The following RCOR1 variants were observed in gnomAD, a reference collection of about 807,000 sequenced individuals.
RCOR1 encodes REST corepressor.
A neutral mutation model predicts 64.0 loss-of-function variants in RCOR1; 12 were observed. The observed-to-expected ratio is 0.19, with a 90% CI of 0.12 to 0.30. The LOEUF is 0.30. Among genes scored for constraint, RCOR1 ranks in the 10% least tolerant of loss-of-function variants. RCOR1 has a pLI of 1.00. For synonymous variants in RCOR1, 279 were observed against 227.2 expected, an observed-to-expected ratio of 1.23 and a Z score of -2.05; for missense variants, 502 against 621.2, an observed-to-expected ratio of 0.81 and a Z score of 2.04.
At chr14:102,669,128 G>GGA (rs1393399126) in intron 2 of RCOR1, among the ~76,000 whole-genome samples, 1 of 152,104 alleles carries the variant, frequency 6.6e-6, no homozygotes, top group Admixed American at 6.6e-5. Flanking sequence ...TGACCAACAT[G>GGA]GAGAAACCCT....
At chr14:102,669,954 A>T (rs1894999054) in intron 2 of RCOR1, among the ~76,000 whole-genome samples, 1 of 152,080 alleles carries the variant, frequency 6.6e-6, no homozygotes, top group African/African-American at 2.4e-5. Flanking sequence ...TAAGAATAAG[A>T]ATTATAAGAA....
rs764133402 is a variant in RCOR1 at position 102,726,453 on chromosome 14, T to TC, written c.1420-13dup. On this transcript the variant is annotated splice_polypyrimidine_tract_variant and intron_variant, in intron 11 of 11. Coordinates refer to ENST00000262241, the MANE Select transcript of RCOR1 (RefSeq NM_015156.4). ...TCTTTGATCCTTTTTTTTTTTTTTT[T>TC]CCTCTTGGCCTCAGGCTCCTGTTCT... 6.4e-7 allele frequency: 1 copy of TC among 1,571,518 alleles called. No individual in the cohort carries two copies. Among genetic ancestry groups the TC allele is most frequent in the African/African-American group, 1.4e-5 (1 of 72,310 alleles).
intron 2 of RCOR1, among the ~76,000 whole-genome samples, chr14:102,674,176 A>G (rs1468728882): frequency 1.3e-5 from 2 of 152,196 alleles, no homozygotes; most frequent in African/African-American, 4.8e-5. Context: ...GAAAAATCTC[A>G]ATTTCTGCTC....
intron 11 of RCOR1, among the ~76,000 whole-genome samples, chr14:102,725,000 T>C (rs1896232836): frequency 6.6e-6 from 1 of 152,208 alleles, no homozygotes; most frequent in Admixed American, 6.5e-5. Context: ...CTGTCAGTTA[T>C]AGATTATTTC....
At chr14:102,652,837 A>G (rs576843232) in intron 2 of RCOR1, among the ~76,000 whole-genome samples, 64 of 152,334 alleles carry the variant, frequency 4.2e-4, no homozygotes, top group Admixed American at 1.1e-3. Context: ...AGGAATGTGT[A>G]TCGGGAAGAT....
chr14:102,610,654 C>T (rs565026357), intron 2 of RCOR1, among the ~76,000 whole-genome samples: 2 of 152,130 alleles, frequency 1.3e-5, no homozygotes, highest in Non-Finnish European at 2.9e-5. Flanking sequence ...GCTCGCCCAC[C>T]CGCGTTCACA....
intron 2 of RCOR1, among the ~76,000 whole-genome samples, chr14:102,673,961 C>T (rs555379581): frequency 1.3e-5 from 2 of 152,276 alleles, no homozygotes; most frequent in South Asian, 2.1e-4. Flanking sequence ...GTCCTATAGA[C>T]GATTCTGTAG....
intron 2 of RCOR1, among the ~76,000 whole-genome samples, chr14:102,654,008 C>T (rs1225751931): frequency 5.8e-5 from 4 of 69,480 alleles, no homozygotes; most frequent in African/African-American, 7.6e-5. Flanking sequence ...TTTTTTGAGA[C>T]GGAGTCTGGC....
At chr14:102,690,171 T>C (rs1207503642) in intron 3 of RCOR1, among the ~76,000 whole-genome samples, 2 of 152,202 alleles carry the variant, frequency 1.3e-5, no homozygotes, top group Non-Finnish European at 2.9e-5. Context: ...AAGTTTTAGC[T>C]TTCTTGGAAT....
intron 2 of RCOR1, among the ~76,000 whole-genome samples, chr14:102,680,208 G>C (rs1895276671): frequency 1.3e-5 from 2 of 151,682 alleles, no homozygotes; most frequent in South Asian, 4.2e-4. Flanking sequence ...AAATAGAATT[G>C]ACTATTTACT....
At chr14:102,651,383 T>C (rs1467633280) in intron 2 of RCOR1, among the ~76,000 whole-genome samples, 1 of 151,816 alleles carries the variant, frequency 6.6e-6, no homozygotes, top group African/African-American at 2.4e-5. Flanking sequence ...TGAAACCCCG[T>C]CTCTACTAAA....
chr14:102,600,239 C>G (rs1429613601), intron 2 of RCOR1, among the ~76,000 whole-genome samples: 1 of 151,752 alleles, frequency 6.6e-6, no homozygotes, highest in Non-Finnish European at 1.5e-5. Flanking sequence ...AGGCGCCCAC[C>G]ACCACGCCCG....
chr14:102,722,448 G>T (rs1896183800), intron 11 of RCOR1, 32 bp downstream of exon 11: 1 of 1,560,160 alleles, frequency 6.4e-7, no homozygotes, highest in African/African-American at 1.4e-5. Context: ...CACTTCTCTT[G>T]TCAGGTTCAC....
chr14:102,695,751 AT>A (rs1171297404), intron 3 of RCOR1, among the ~76,000 whole-genome samples: 1 of 144,540 alleles, frequency 6.9e-6, no homozygotes, highest in Admixed American at 7.0e-5. Flanking sequence ...GGGTTTCACC[AT>A]GTTGGCCAGG....
intron 2 of RCOR1, among the ~76,000 whole-genome samples, chr14:102,616,939 C>T (rs574422843): frequency 2.2e-4 from 34 of 152,320 alleles, no homozygotes; most frequent in African/African-American, 7.7e-4. Flanking sequence ...AGCTAACAAA[C>T]GGTTGCCAGC....
chr14:102,720,856 A>G (rs760747962), intron 8 of RCOR1, 151 bp from the exon 9 acceptor site: 32 of 535,156 alleles, frequency 6.0e-5, no homozygotes, highest in Non-Finnish European at 1.1e-4. Context: ...AGATGCTTCA[A>G]AGGATACCAT....
chr14:102,599,745 T>C (rs1230550069), intron 2 of RCOR1, among the ~76,000 whole-genome samples: 1 of 152,160 alleles, frequency 6.6e-6, no homozygotes, highest in African/African-American at 2.4e-5. Flanking sequence ...TGTTCTGCTT[T>C]TTTTATGCTT....
intron 2 of RCOR1, among the ~76,000 whole-genome samples, chr14:102,601,713 T>A (rs1338930196): frequency 6.6e-6 from 1 of 152,194 alleles, no homozygotes; most frequent in Non-Finnish European, 1.5e-5. Context: ...TCTGCTGTGT[T>A]CAGTCATTGG....
At chr14:102,679,510 G>A (rs1420491157) in intron 2 of RCOR1, among the ~76,000 whole-genome samples, 2 of 145,814 alleles carry the variant, frequency 1.4e-5, no homozygotes, top group East Asian at 2.0e-4. Flanking sequence ...ACAGAATCTC[G>A]CTCTGTCACC....
Sources: gnomAD v4.1 joint callset for allele counts (sites outside exome capture counted in the v4.1 genomes callset) on GRCh38, gnomAD v4.1.1 for gene constraint, MANE v1.5 for transcripts, NCBI Gene and HGNC (gene_info 2026-07-23, HGNC 2026-07-21) for gene names.